CCDC148: variants seen among roughly 807,000 people sequenced by gnomAD.
CCDC148 encodes coiled-coil domain containing 148.
A neutral mutation model predicts 85.7 loss-of-function variants in CCDC148; 89 were observed. The ratio of observed to expected loss-of-function variants is 1.04; its 90% CI spans 0.87 to 1.24. The LOEUF is 1.24. Ranked by LOEUF, CCDC148 falls within the 50% of genes most tolerant of loss-of-function variation. The pLI is 0.00. For missense variants in CCDC148, 692 were observed against 671.7 expected (o/e 1.03, Z -0.33); for synonymous variants, 230 against 213.9 (o/e 1.08, Z -0.66).
At chr2:158,415,420 A>T (rs1029072921) in intron 1 of CCDC148, among the ~76,000 whole-genome samples, 3 of 152,170 alleles carry the variant, frequency 2.0e-5, no homozygotes, top group African/African-American at 7.2e-5. Flanking sequence ...ATTACAATTC[A>T]ACATGAGATT....
chr2:158,403,554 CAGAG>C (rs1439285095), intron 1 of CCDC148, among the ~76,000 whole-genome samples: 2 of 152,110 alleles, frequency 1.3e-5, no homozygotes, highest in South Asian at 2.1e-4. Context: ...AGAAACCTGA[CAGAG>C]AGCAGCTTTT....
rs547144249 is a variant in CCDC148, at chr2:158,281,807, G to A, written c.1110+27626C>T. 4.3e-4 allele frequency among the ~76,000 whole-genome samples: 66 copies of A among 152,098 alleles called. 1 individual carries two copies. In the East Asian group the frequency reaches 9.1e-3, roughly 21 times the overall value. On this transcript the variant is annotated intron_variant, in intron 9 of 13. Transcript: ENST00000283233. The stretch of plus-strand genomic sequence containing the variant: ...CCAGCATCATCCTGATACCAAAGCC[G>A]GGCAGAGACACAACAAAAAAAGAGA...
chr2:158,322,397 A>C (rs1379196064), intron 7 of CCDC148, among the ~76,000 whole-genome samples: 1 of 152,138 alleles, frequency 6.6e-6, no homozygotes, highest in Non-Finnish European at 1.5e-5. Context: ...TTATTGAAAA[A>C]AGGAATGACA....
chr2:158,434,632 A>C (rs1041200756), intron 1 of CCDC148, among the ~76,000 whole-genome samples: 1 of 152,246 alleles, frequency 6.6e-6, no homozygotes, highest in African/African-American at 2.4e-5. Context: ...GAATTTGACG[A>C]GTTCAGAGAA....
chr2:158,376,097 G>T (rs1213827173), intron 1 of CCDC148, among the ~76,000 whole-genome samples: 2 of 152,064 alleles, frequency 1.3e-5, no homozygotes, highest in Non-Finnish European at 2.9e-5. Flanking sequence ...TATAAAAATT[G>T]TTCTAGAAAA....
rs550161310 is a variant in CCDC148 at position 158,215,840 on chromosome 2, T to C, written c.1370+4755A>G. Among the ~76,000 whole-genome samples, 455 of 152,252 alleles carry C rather than the reference T, an allele frequency of 3.0e-3. 1 individual carries two copies. The highest frequency in any genetic ancestry group is 5.1e-3 in the Non-Finnish European group (349 of 68,018). The stretch of plus-strand genomic sequence containing the variant: ...GTATTTGGATATGTAGCCCTCACGG[T>C]GGGAGTCACGCCCTTGTAAGAAAAG... On this transcript the variant is annotated intron_variant, in intron 11 of 13. Coordinates refer to ENST00000283233, the MANE Select transcript of CCDC148 (RefSeq NM_138803.4).
chr2:158,382,102 G>C (rs2105289137), intron 1 of CCDC148, among the ~76,000 whole-genome samples: 1 of 152,136 alleles, frequency 6.6e-6, no homozygotes, highest in African/African-American at 2.4e-5. Flanking sequence ...AGCAACAAGG[G>C]CCCATCTTTG....
At chr2:158,261,798 G>T (rs4413114) in intron 9 of CCDC148, among the ~76,000 whole-genome samples, 60,021 of 151,824 alleles carry the variant, frequency 0.4, 12,578 homozygotes, top group South Asian at 0.61. Context: ...GAAATGCAAG[G>T]CAAAACCACA....
intron 10 of CCDC148, among the ~76,000 whole-genome samples, chr2:158,226,663 A>G (rs1687546858): frequency 6.6e-6 from 1 of 152,232 alleles, no homozygotes; most frequent in African/African-American, 2.4e-5. Flanking sequence ...ACGCAAATCA[A>G]TAAACATAAT....
At chr2:158,300,453 AC>A (rs1290327180) in intron 9 of CCDC148, among the ~76,000 whole-genome samples, 1 of 152,206 alleles carries the variant, frequency 6.6e-6, no homozygotes, top group Non-Finnish European at 1.5e-5. Flanking sequence ...AGAGTTATGT[AC>A]CAGGAGTTAG....
intron 7 of CCDC148, among the ~76,000 whole-genome samples, chr2:158,328,455 A>G (rs1692908579): frequency 6.6e-6 from 1 of 152,154 alleles, no homozygotes; most frequent in African/African-American, 2.4e-5. Flanking sequence ...GCTATTGTCA[A>G]TAGTGCCACA....
intron 11 of CCDC148, among the ~76,000 whole-genome samples, chr2:158,188,662 C>T (rs542699237): frequency 2.5e-3 from 380 of 152,034 alleles, no homozygotes; most frequent in African/African-American, 8.8e-3. Context: ...CTAGGAAATA[C>T]TTTTCTATAC....
intron 10 of CCDC148, among the ~76,000 whole-genome samples, chr2:158,222,046 T>G (rs1368744790): frequency 6.6e-6 from 1 of 152,214 alleles, no homozygotes; most frequent in Admixed American, 6.5e-5. Context: ...AAACCATCTT[T>G]ATTTTATTCT....
At chr2:158,409,734 T>C (rs1489260092) in intron 1 of CCDC148, among the ~76,000 whole-genome samples, 1 of 152,182 alleles carries the variant, frequency 6.6e-6, no homozygotes, top group Non-Finnish European at 1.5e-5. Context: ...TGTGAGGACA[T>C]GAGATTTGGC....
chr2:158,310,190 A>C (rs935320649), intron 8 of CCDC148, among the ~76,000 whole-genome samples: 1 of 152,156 alleles, frequency 6.6e-6, no homozygotes, highest in African/African-American at 2.4e-5. Flanking sequence ...CCCTTAATCC[A>C]TTTAACCCTG....
intron 11 of CCDC148, among the ~76,000 whole-genome samples, chr2:158,198,356 T>C (rs1685781370): frequency 6.6e-6 from 1 of 152,222 alleles, no homozygotes. Flanking sequence ...CACTCAATAA[T>C]AATTATTAAA....
intron 1 of CCDC148, among the ~76,000 whole-genome samples, chr2:158,450,136 A>G (rs1688345404): frequency 6.6e-6 from 1 of 152,112 alleles, no homozygotes; most frequent in Admixed American, 6.5e-5. Flanking sequence ...TGGCCCAGGG[A>G]TGTAAAGGGC....
chr2:158,245,322 G>T (rs1434083744), intron 10 of CCDC148, among the ~76,000 whole-genome samples: 2 of 152,134 alleles, frequency 1.3e-5, no homozygotes, highest in East Asian at 3.9e-4. Flanking sequence ...ATGTCTTTTG[G>T]TATTTATTGG....
At chr2:158,409,751 CA>C (rs544298734) in intron 1 of CCDC148, among the ~76,000 whole-genome samples, 34 of 152,198 alleles carry the variant, frequency 2.2e-4, no homozygotes, top group Middle Eastern at 6.8e-3. Flanking sequence ...TGGCAGGGGA[CA>C]GGGGCAGAAT....
Sources: allele counts gnomAD v4.1 joint callset (sites outside exome capture counted in the v4.1 genomes callset), GRCh38; gene constraint gnomAD v4.1.1; transcripts MANE v1.5; gene names NCBI Gene and HGNC (gene_info 2026-07-23, HGNC 2026-07-21).